Variants in OAS3 observed in about 807,000 individuals in gnomAD.
OAS3 encodes the protein 2'-5'-oligoadenylate synthase 3.
OAS3 carries 107 observed loss-of-function variants against 113.0 expected under a neutral mutation model. The ratio of observed to expected loss-of-function variants is 0.95; its 90% CI spans 0.81 to 1.11. OAS3 has a LOEUF of 1.11. OAS3 is among the 50% of genes most tolerant of loss of function. The pLI is 0.00. For missense variants in OAS3, 1,258 were observed against 1,389.1 expected, an observed-to-expected ratio of 0.91 and a Z score of 1.50; for synonymous variants, 552 against 573.6, an observed-to-expected ratio of 0.96 and a Z score of 0.54.
chr12:112,953,454 G>A (rs2136351942), intron 7 of OAS3, among the ~76,000 whole-genome samples: 1 of 152,354 alleles, frequency 6.6e-6, no homozygotes, highest in South Asian at 2.1e-4. Flanking sequence ...ACATATGTGT[G>A]CATGTGTCTT....
At chr12:112,966,342 A>G (rs181598637) in intron 12 of OAS3, among the ~76,000 whole-genome samples, 260 of 152,268 alleles carry the variant, frequency 1.7e-3, no homozygotes, top group African/African-American at 5.9e-3. Flanking sequence ...TTTATCTCAC[A>G]TCTGACAGTA....
chr12:112,957,432 G>A (rs1247072595), intron 7 of OAS3, among the ~76,000 whole-genome samples: 2 of 152,274 alleles, frequency 1.3e-5, no homozygotes, highest in African/African-American at 2.4e-5. Flanking sequence ...TCCTAGCATC[G>A]ATGGTCTTTA....
intron 7 of OAS3, among the ~76,000 whole-genome samples, chr12:112,951,271 A>AT (rs921928258): frequency 3.9e-5 from 6 of 152,134 alleles, no homozygotes; most frequent in Admixed American, 1.3e-4. Flanking sequence ...TCTGCTTGGT[A>AT]TTTTTTTAAA....
rs2136348697 is a variant in OAS3, at chr12:112,949,114, C to G, written c.1283C>G (p.Pro428Arg). 2.5e-6 allele frequency: 4 copies of G among 1,614,000 alleles called. No individual in the cohort carries two copies. Among genetic ancestry groups the G allele is most frequent in the Non-Finnish European group, 3.4e-6 (4 of 1,179,900 alleles). ...RFIQDHLKPS[P>R]QFQEQVKKAI... is the part of the protein sequence containing the mutation. Reference sequence around the variant, plus strand: ...ATCCAGGACCACCTGAAGCCGAGCCCCCAGTTCCAGGAGCAGGTGAAAAAG... The same window carrying G: ...ATCCAGGACCACCTGAAGCCGAGCCGCCAGTTCCAGGAGCAGGTGAAAAAG... The change falls in exon 6 of 16, where the codon CCC (proline) becomes CGC (arginine). Residue 428 changes from proline to arginine, a missense_variant. By Grantham distance (103) the Pro-to-Arg change is moderately radical (BLOSUM62 -2). Transcript: ENST00000228928.
At chr12:112,962,994 G>A in intron 9 of OAS3, 92 bp downstream of exon 9, 5 of 1,538,040 alleles carry the variant, frequency 3.3e-6, no homozygotes, top group Non-Finnish European at 4.4e-6. Flanking sequence ...TCCAAGGTAG[G>A]GTTTGGGGTG....
At chr12:112,947,776 C>A (rs1000034114) in intron 4 of OAS3, among the ~76,000 whole-genome samples, 170 bp from the exon 5 acceptor site, 4 of 152,174 alleles carry the variant, frequency 2.6e-5, no homozygotes, top group Admixed American at 1.3e-4. Flanking sequence ...GATAAGCAGG[C>A]AATGTTGTTT....
In OAS3 at chr12:112,954,588, G is replaced by A. The variant is rs193041177; in HGVS notation, c.1657+3613G>A. Among the ~76,000 whole-genome samples the A allele has an allele frequency of 3.1e-3, 472 of 152,200 alleles. 2 individuals are homozygous for A. The highest frequency in any genetic ancestry group is 5.4e-3 in the Admixed American group (83 of 15,292). ...TGGGATTACAGGCGTGAGCCACTGC[G>A]CCTGGCCCCATTTCTTGTTTTTGTC... On this transcript the variant is annotated intron_variant, in intron 7 of 15. Transcript: ENST00000228928. The surrounding 1 kb of genome is among the most constrained non-coding windows in gnomAD (Gnocchi z 4.0).
At chr12:112,940,177 G>T (rs2043667487) in intron 1 of OAS3, among the ~76,000 whole-genome samples, 1 of 152,148 alleles carries the variant, frequency 6.6e-6, no homozygotes, top group Non-Finnish European at 1.5e-5. Flanking sequence ...TGTGAGGAAG[G>T]TTCAATGAGA....
intron 8 of OAS3, 47 bp from the exon 9 acceptor site, chr12:112,962,605 C>T: frequency 6.3e-7 from 1 of 1,598,964 alleles, no homozygotes; most frequent in Non-Finnish European, 8.6e-7. Context: ...CCACACTCAG[C>T]TCACATCCAC....
intron 2 of OAS3, 182 bp downstream of exon 2, chr12:112,942,034 C>A: frequency 1.4e-6 from 1 of 702,638 alleles, no homozygotes; most frequent in South Asian, 1.8e-5. Flanking sequence ...CAGAGAAACC[C>A]CAGTTCCTCC....
At position 112,971,956 on chromosome 12, in the gene OAS3, C is replaced by T. The variant is rs2043988299; in HGVS notation, c.*1983C>T. The T allele has an allele frequency of 2.6e-5, 4 of 152,488 alleles. No individual in the cohort carries two copies. In the South Asian group the frequency reaches 8.3e-4, roughly 32 times the overall value. 9.4% of individuals were successfully genotyped at this position (152,488 alleles called of 1,614,324 possible). A position where few individuals can be genotyped will look rare whatever the true frequency, so the allele number is the denominator to read the frequency against. ...AATCCAAAGCTAGAACTCTCAGGAC[C>T]CCAAACTCCACCTCTTGGATTGGCC... is the stretch of plus-strand genomic sequence containing the variant. On this transcript the variant is annotated 3_prime_UTR_variant, in exon 16 of 16. Transcript: ENST00000228928.
rs573896401 is a variant in OAS3 at position 112,971,705 on chromosome 12, A to C, written c.*1732A>C. The stretch of plus-strand genomic sequence containing the variant: ...GGAAGAGCCTTCCCTCATTATTGTC[A>C]TTCTTGGAGAGAGGTGAGCAACCAA... On this transcript the variant is annotated 3_prime_UTR_variant, in exon 16 of 16. Transcript: ENST00000228928. 1 of 152,216 alleles carries C rather than the reference A, an allele frequency of 6.6e-6. No homozygotes were observed. Among genetic ancestry groups the C allele is most frequent in the African/African-American group, 2.4e-5 (1 of 41,452 alleles). 9.4% of individuals were successfully genotyped at this position (152,216 alleles called of 1,614,324 possible).
intron 1 of OAS3, among the ~76,000 whole-genome samples, chr12:112,939,873 T>C (rs1183794266): frequency 6.6e-6 from 1 of 152,116 alleles, no homozygotes; most frequent in Non-Finnish European, 1.5e-5. Context: ...AGAAATGGCC[T>C]CAGAGCACCT....
chr12:112,950,547 T>C, intron 6 of OAS3, 146 bp from the exon 7 acceptor site: 1 of 869,530 alleles, frequency 1.2e-6, no homozygotes, highest in South Asian at 1.6e-5. Flanking sequence ...ACAGGACCCA[T>C]GCAGTCGACC....
At chr12:112,961,300 C>A in intron 8 of OAS3, 54 bp downstream of exon 8, 1 of 1,534,942 alleles carries the variant, frequency 6.5e-7, no homozygotes, top group East Asian at 2.3e-5. Flanking sequence ...GCAACCACCC[C>A]AGCCAATCAG....
chr12:112,967,934 AGT>A lies in OAS3; in HGVS notation c.2867_2868del (p.Cys956TyrfsTer37), dbSNP rs767138597. ...CAACATATCTTTCTTCTCGTTCTCC[AGT>A]GTACCAAGATCTCCAAGGGGAGAGG... On this transcript the variant is annotated splice_acceptor_variant and coding_sequence_variant, in exon 14 of 16. Transcript: ENST00000228928. LOFTEE classifies it high-confidence loss of function. 6.2e-7 allele frequency: 1 copy of A among 1,612,534 alleles called. No individual in the cohort carries two copies. Among genetic ancestry groups the A allele is most frequent in the African/African-American group, 1.3e-5 (1 of 74,884 alleles).
At position 112,971,544 on chromosome 12, in the gene OAS3, G is replaced by A. The variant is rs1565984517; in HGVS notation, c.*1571G>A. 1 of 152,376 alleles carries A rather than the reference G, an allele frequency of 6.6e-6. No individual in the cohort carries two copies. The highest frequency in any genetic ancestry group is 1.5e-5 in the Non-Finnish European group (1 of 68,156). The allele number at this position is 152,376 out of a possible 1,614,324, so 9.4% of individuals were successfully genotyped here. ...TGGATGAGGGAGTGGGTCTATCTCA[G>A]AGGAAGGAACAGGAAACAAAGAAAG... On this transcript the variant is annotated 3_prime_UTR_variant, in exon 16 of 16. Coordinates refer to ENST00000228928, the MANE Select transcript of OAS3 (RefSeq NM_006187.4).
intron 4 of OAS3, among the ~76,000 whole-genome samples, chr12:112,947,261 C>T (rs1412030937): frequency 1.3e-5 from 2 of 152,166 alleles, no homozygotes; most frequent in Non-Finnish European, 2.9e-5. Context: ...TGTGTGAAGA[C>T]CGCATACTTT....
chr12:112,947,461 G>T (rs2043743915), intron 4 of OAS3, among the ~76,000 whole-genome samples: 1 of 152,176 alleles, frequency 6.6e-6, no homozygotes, highest in Admixed American at 6.5e-5. Context: ...TCAAGATTAA[G>T]TCTTTGAGAT....
Sources: allele counts gnomAD v4.1 joint callset (sites outside exome capture counted in the v4.1 genomes callset), GRCh38; gene constraint gnomAD v4.1.1; non-coding constraint Gnocchi (gnomAD v3.1); transcripts MANE v1.5; gene names NCBI Gene and HGNC (gene_info 2026-07-23, HGNC 2026-07-21).